CEP164: variants seen among roughly 807,000 people sequenced by gnomAD.
The protein encoded by CEP164 is centrosomal protein 164.
In CEP164, 162 loss-of-function variants were observed where a neutral mutation model predicts 182.7. That is an observed-to-expected ratio of 0.89 (90% CI 0.78 to 1.01). The LOEUF is 1.01. CEP164 is among the 50% of genes least tolerant of loss of function. CEP164 has a pLI of 0.00. For synonymous variants in CEP164, 661 were observed against 690.0 expected (o/e 0.96, Z 0.66); for missense variants, 1,735 against 1,790.4 (o/e 0.97, Z 0.56).
rs530650785 is a variant in CEP164, at chr11:117,404,853, A to G, written c.3502-3072A>G. Among the ~76,000 whole-genome samples the G allele has an allele frequency of 2.7e-4, 41 of 152,290 alleles. 1 individual carries two copies. Among genetic ancestry groups the G allele is most frequent in the African/African-American group, 9.4e-4 (39 of 41,572 alleles). On this transcript the variant is annotated intron_variant, in intron 27 of 32. Transcript: ENST00000278935. ...CCTTTCTTTCAGAGATGGCCTGACC[A>G]CTGAGGAGGAATCTAGAGAGGCAGT...
At chr11:117,330,959 C>T (rs2036107037) in intron 1 of CEP164, among the ~76,000 whole-genome samples, 1 of 152,174 alleles carries the variant, frequency 6.6e-6, no homozygotes, top group Admixed American at 6.5e-5. Context: ...CAAGAATGTT[C>T]CAAAGCTTTT....
chr11:117,327,348 T>C (rs895672485), upstream of CEP164, among the ~76,000 whole-genome samples: 4 of 152,148 alleles, frequency 2.6e-5, no homozygotes, highest in African/African-American at 9.7e-5. Context: ...ATGTTAATCA[T>C]ACTCCTAACA....
chr11:117,371,405 C>T lies in CEP164; in HGVS notation c.1091C>T (p.Ala364Val). Reference sequence around the variant, plus strand: ...GAGGAGGGTTCCAGGAGGGAAGAGGCAGCCAAGGAGCCAAAGAAGAAGGCT... The same window carrying T: ...GAGGAGGGTTCCAGGAGGGAAGAGGTAGCCAAGGAGCCAAAGAAGAAGGCT... ...AGEEGSRREE[A>V]AKEPKKKASA... The change falls in exon 9 of 33, where the codon GCA (alanine) becomes GTA (valine). Residue 364 changes from alanine (A) to valine (V), a missense_variant. Ala to Val is a moderately conservative substitution (Grantham distance 64). Transcript: ENST00000278935. 2 of 1,614,078 alleles carry T rather than the reference C, an allele frequency of 1.2e-6. No homozygotes were observed. Among genetic ancestry groups the T allele is most frequent in the Non-Finnish European group, 1.7e-6 (2 of 1,179,982 alleles).
intron 3 of CEP164, among the ~76,000 whole-genome samples, chr11:117,341,807 T>G (rs760277406): frequency 1.3e-5 from 2 of 152,222 alleles, no homozygotes; most frequent in East Asian, 1.9e-4. Context: ...CACCTGTGCT[T>G]CTTCTGCCTG....
intron 15 of CEP164, among the ~76,000 whole-genome samples, chr11:117,388,368 A>G (rs1173979576): frequency 6.6e-6 from 1 of 152,238 alleles, no homozygotes; most frequent in African/African-American, 2.4e-5. Flanking sequence ...TTTTCAATGG[A>G]AATCAATGCA....
At chr11:117,373,977 C>T in intron 10 of CEP164, 146 bp downstream of exon 10, 1 of 633,966 alleles carries the variant, frequency 1.6e-6, no homozygotes, top group Non-Finnish European at 2.8e-6. Context: ...TCCAGTTTCT[C>T]AACCCATTAA....
At chr11:117,389,311 T>A (rs1266341694) in intron 15 of CEP164, among the ~76,000 whole-genome samples, 8 of 152,148 alleles carry the variant, frequency 5.3e-5, no homozygotes, top group African/African-American at 1.7e-4. Flanking sequence ...GATGTCTGCT[T>A]AGGATGAAAT....
chr11:117,340,787 G>C (rs1322962391), intron 3 of CEP164, among the ~76,000 whole-genome samples: 1 of 152,196 alleles, frequency 6.6e-6, no homozygotes, highest in African/African-American at 2.4e-5. Context: ...GCTTCCCAAA[G>C]TGCAGGGATT....
rs951827564 is a variant in CEP164, at chr11:117,387,413, G to T, written c.1934+1G>T. On this transcript the variant is annotated splice_donor_variant, in intron 15 of 32. Transcript: ENST00000278935. LOFTEE classifies it high-confidence loss of function. Reference sequence around the variant, plus strand: ...ACCAGCAGAAAGAGCAATCTCTCAGGTCCTGCCCTTCCCCTTAGGCATGCT... The same window carrying T: ...ACCAGCAGAAAGAGCAATCTCTCAGTTCCTGCCCTTCCCCTTAGGCATGCT... 2 of 1,613,860 alleles carry T rather than the reference G, an allele frequency of 1.2e-6. No homozygotes were observed. Among genetic ancestry groups the T allele is most frequent in the Admixed American group, 1.7e-5 (1 of 59,994 alleles).
chr11:117,327,351 T>A (rs1187596294), upstream of CEP164, among the ~76,000 whole-genome samples: 1 of 152,192 alleles, frequency 6.6e-6, no homozygotes, highest in African/African-American at 2.4e-5. Context: ...TTAATCATAC[T>A]CCTAACAAAT....
At chr11:117,383,997 C>G (rs890344063) in intron 14 of CEP164, among the ~76,000 whole-genome samples, 1 of 152,204 alleles carries the variant, frequency 6.6e-6, no homozygotes, top group Non-Finnish European at 1.5e-5. Context: ...GATCGTGCCA[C>G]TGTATTCCAG....
intron 27 of CEP164, among the ~76,000 whole-genome samples, chr11:117,404,523 A>G (rs1198993185): frequency 6.6e-6 from 1 of 152,098 alleles, no homozygotes; most frequent in East Asian, 1.9e-4. Flanking sequence ...CTTCCTCTGG[A>G]AGCTTTGTCC....
Position 117,394,608 on chromosome 11 carries a change from A to C in CEP164, c.2760+115A>C, listed in dbSNP as rs910924929. ...GCAGCCTGACAGCTTCTGGAGTGAG[A>C]GTCTCTCACTGGCCATCTCCAAGCT... On this transcript the variant is annotated intron_variant, in intron 21 of 32. Transcript: ENST00000278935. The surrounding 1 kb of genome is among the most constrained non-coding windows in gnomAD (Gnocchi z 4.0). 1 of 1,366,928 alleles carries C rather than the reference A, an allele frequency of 7.3e-7. No individual in the cohort carries two copies. Among genetic ancestry groups the C allele is most frequent in the Non-Finnish European group, 9.9e-7 (1 of 1,010,318 alleles). 84.7% of individuals were successfully genotyped at this position (1,366,928 alleles called of 1,614,324 possible). A position where few individuals can be genotyped will look rare whatever the true frequency, so the allele number is the denominator to read the frequency against.
rs189584403 is a variant in CEP164 at position 117,363,646 on chromosome 11, G to T, written c.765+140G>T. On this transcript the variant is annotated intron_variant, in intron 8 of 32. Transcript: ENST00000278935. ...AGTCCTTCCAGATGAGATTTCTGGG[G>T]TTTGGGGAAGGACAAGAATAAATGA... 167 of 584,986 alleles carry T rather than the reference G, an allele frequency of 2.9e-4. No individual in the cohort carries two copies. The East Asian group carries it at 3.9e-3, about 14-fold the overall frequency. The allele number at this position is 584,986 out of a possible 1,614,324, so 36.2% of individuals were successfully genotyped here. A position where few individuals can be genotyped will look rare whatever the true frequency, so the allele number is the denominator to read the frequency against.
rs769906292 is a variant in CEP164 at position 117,395,023 on chromosome 11, C to T, written c.2844+20C>T. On this transcript the variant is annotated intron_variant, in intron 22 of 32. Transcript: ENST00000278935. The stretch of plus-strand genomic sequence containing the variant: ...GTCCAGGTGAGGGATCTGCAGGAGT[C>T]CTTGACCTCAGAGTCATAGCTTCTC... 1 of 1,613,480 alleles carries T rather than the reference C, an allele frequency of 6.2e-7. No individual in the cohort carries two copies. The highest frequency in any genetic ancestry group is 8.5e-7 in the Non-Finnish European group (1 of 1,179,548).
At chr11:117,339,220 G>A (rs373610051) in intron 3 of CEP164, among the ~76,000 whole-genome samples, 1 of 152,300 alleles carries the variant, frequency 6.6e-6, no homozygotes, top group South Asian at 2.1e-4. Flanking sequence ...ATATGTGGCT[G>A]TTAAGAGAGG....
intron 5 of CEP164, chr11:117,355,901 C>A (rs934792873): frequency 5.8e-6 from 6 of 1,040,688 alleles, no homozygotes; most frequent in Non-Finnish European, 4.6e-6. Flanking sequence ...AGGGAGGGCT[C>A]CCGAGGAGCC....
At position 117,340,697 on chromosome 11, in the gene CEP164, AT is replaced by A. The variant is rs141447255; in HGVS notation, c.82+2036del. Among the ~76,000 whole-genome samples, 499 of 152,142 alleles carry A rather than the reference AT, an allele frequency of 3.3e-3. 8 individuals carry two copies. The highest frequency in any genetic ancestry group is 0.012 in the African/African-American group (482 of 41,510). On this transcript the variant is annotated intron_variant, in intron 3 of 32. Coordinates refer to ENST00000278935, the MANE Select transcript of CEP164 (RefSeq NM_014956.5). ...TCATGTGTCTGGCTAATTAAAATAA[AT>A]TTTTTTGTAGGGATAGGCTCTCACT...
intron 3 of CEP164, among the ~76,000 whole-genome samples, chr11:117,341,289 TC>T (rs2038074364): frequency 6.6e-6 from 1 of 152,176 alleles, no homozygotes; most frequent in Non-Finnish European, 1.5e-5. Flanking sequence ...CTCAGTAGCT[TC>T]CTAATTAGCC....
Sources: allele counts gnomAD v4.1 joint callset (sites outside exome capture counted in the v4.1 genomes callset), GRCh38; gene constraint gnomAD v4.1.1; non-coding constraint Gnocchi (gnomAD v3.1); transcripts MANE v1.5; gene names NCBI Gene and HGNC (gene_info 2026-07-23, HGNC 2026-07-21).